LONRF1: variants seen among roughly 807,000 people sequenced by gnomAD.
LONRF1 encodes LON peptidase N-terminal domain and RING finger protein 1.
Under a neutral mutation model 85.8 loss-of-function variants are expected in LONRF1, and 37 were observed. The observed-to-expected ratio is 0.43, with a 90% CI of 0.33 to 0.57. The LOEUF is 0.57. Ranked by LOEUF, LONRF1 falls within the 20% of genes least tolerant of loss-of-function variation. The pLI is 0.04. For synonymous variants in LONRF1, 517 were observed against 390.1 expected (o/e 1.33, Z -3.83); for missense variants, 1,036 against 978.0 (o/e 1.06, Z -0.79).
chr8:12,723,088 A>G lies in LONRF1; in HGVS notation c.*8T>C. 2 of 1,604,886 alleles carry G rather than the reference A, an allele frequency of 1.2e-6. No homozygotes were observed. The highest frequency in any genetic ancestry group is 1.7e-6 in the Non-Finnish European group (2 of 1,175,298). ...AGGGTCACTTTAAAGGGAGATCCAA[A>G]GAGTTAGTTACTTAGATTGGTCTCT... On this transcript the variant is annotated 3_prime_UTR_variant, in exon 12 of 12. Transcript: ENST00000398246.
At chr8:12,744,551 ATTCAAAAATG>A (rs1274743299) in intron 1 of LONRF1, among the ~76,000 whole-genome samples, 10 of 152,190 alleles carry the variant, frequency 6.6e-5, no homozygotes, top group Admixed American at 2.0e-4. Context: ...CCCTGTAGGT[ATTCAAAAATG>A]TTTTACATTA....
At position 12,754,798 on chromosome 8, in the gene LONRF1, T is replaced by A; in HGVS notation, c.623A>T (p.Gln208Leu). The A allele has an allele frequency of 1.4e-6, 2 of 1,481,262 alleles. No homozygotes were observed. The highest frequency in any genetic ancestry group is 1.8e-6 in the Non-Finnish European group (2 of 1,121,934). 91.8% of individuals were successfully genotyped at this position (1,481,262 alleles called of 1,614,324 possible). The change falls in exon 1 of 12, where the codon CAG (glutamine) becomes CTG (leucine). Residue 208 changes from glutamine (Q) to leucine (L), a missense_variant. Physicochemically the swap from Gln to Leu is moderately radical, Grantham distance 113 (BLOSUM62 -2). Around this residue, in one of 3 missense-constraint regions of LONRF1, gnomAD observed 742 missense variants for 614.4 expected, o/e 1.21. Coordinates refer to ENST00000398246, the MANE Select transcript of LONRF1 (RefSeq NM_152271.5). ...NHLAEKWFPG[Q>L]RERARAAGRL... Reference sequence around the variant, plus strand: ...GCCGGCCGCCCGGGCCCGCTCGCGCTGGCCCGGAAACCACTTCTCGGCCAG... The same window carrying A: ...GCCGGCCGCCCGGGCCCGCTCGCGCAGGCCCGGAAACCACTTCTCGGCCAG...
At chr8:12,741,037 T>G in intron 2 of LONRF1, 41 bp from the exon 3 acceptor site, 1 of 1,598,810 alleles carries the variant, frequency 6.3e-7, no homozygotes, top group Non-Finnish European at 8.5e-7. Context: ...GTGTTAAGAA[T>G]TGCTTTTTAA....
Position 12,755,480 on chromosome 8 carries a change from C to T in LONRF1, c.-60G>A, listed in dbSNP as rs1799610650. 1 of 952,458 alleles carries T rather than the reference C, an allele frequency of 1.0e-6. No homozygotes were observed. Among genetic ancestry groups the T allele is most frequent in the Non-Finnish European group, 1.3e-6 (1 of 783,156 alleles). The allele number at this position is 952,458 out of a possible 1,614,324, so 59.0% of individuals were successfully genotyped here. A position where few individuals can be genotyped will look rare whatever the true frequency, so the allele number is the denominator to read the frequency against. On this transcript the variant is annotated 5_prime_UTR_variant, in exon 1 of 12. Coordinates refer to ENST00000398246, the MANE Select transcript of LONRF1 (RefSeq NM_152271.5). ...CCACGGTCCCGGAGCCTCCCGGGCGCGCGGCTCCGCACGCGGCCCGCGAGC... is the reference window on the plus strand; with the variant it reads ...CCACGGTCCCGGAGCCTCCCGGGCGTGCGGCTCCGCACGCGGCCCGCGAGC...
Position 12,736,994 on chromosome 8 carries a change from T to G in LONRF1, c.1260A>C (p.Gln420His). 1 of 1,613,678 alleles carries G rather than the reference T, an allele frequency of 6.2e-7. No homozygotes were observed. Among genetic ancestry groups the G allele is most frequent in the Non-Finnish European group, 8.5e-7 (1 of 1,179,734 alleles). The change falls in exon 5 of 12, where the codon CAA becomes CAC. Residue 420 changes from glutamine (Q) to histidine (H), a missense_variant. Transcript: ENST00000398246. ...TTCTTTTCAGCAGAACACCTTTTTC[T>G]TGAACTGACAGAACAGGTTCTGAGG... ...RVSSEPVLSV[Q>H]EKGVLLKRKL... is the part of the protein sequence containing the mutation.
Position 12,755,392 on chromosome 8 carries a change from G to T in LONRF1, c.29C>A (p.Ser10Tyr). The change falls in exon 1 of 12, where the codon TCC (serine) becomes TAC (tyrosine). Residue 10 changes from serine (S) to tyrosine (Y), a missense_variant. Around this residue, in one of 3 missense-constraint regions of LONRF1, gnomAD observed 742 missense variants for 614.4 expected, o/e 1.21. Coordinates refer to ENST00000398246, the MANE Select transcript of LONRF1 (RefSeq NM_152271.5). MSSPAVART[S>Y]PGGSREMAPA... The stretch of plus-strand genomic sequence containing the variant: ...GGCCATCTCCCGACTCCCTCCTGGG[G>T]AGGTCCTCGCCACCGCCGGAGAGGA... 8.5e-7 allele frequency: 1 copy of T among 1,176,904 alleles called. No homozygotes were observed. Among genetic ancestry groups the T allele is most frequent in the Non-Finnish European group, 1.0e-6 (1 of 952,662 alleles). 72.9% of individuals were successfully genotyped at this position (1,176,904 alleles called of 1,614,324 possible).
At chr8:12,747,507 T>C (rs1007230801) in intron 1 of LONRF1, among the ~76,000 whole-genome samples, 1 of 152,174 alleles carries the variant, frequency 6.6e-6, no homozygotes, top group African/African-American at 2.4e-5. Context: ...AAGAAAAAAT[T>C]AGCACAAATT....
intron 3 of LONRF1, 113 bp downstream of exon 3, chr8:12,740,761 A>G: frequency 3.8e-6 from 5 of 1,306,222 alleles, no homozygotes; most frequent in Non-Finnish European, 5.2e-6. Context: ...TTTGTTCCTA[A>G]GTTAGATTTA....
intron 1 of LONRF1, among the ~76,000 whole-genome samples, chr8:12,748,803 A>G (rs967274450): frequency 4.2e-5 from 3 of 71,402 alleles, no homozygotes; most frequent in Non-Finnish European, 5.7e-5. Context: ...TAACCAGAAT[A>G]TCAATTTTTT....
chr8:12,751,719 T>A (rs1799414321), intron 1 of LONRF1, among the ~76,000 whole-genome samples: 1 of 150,600 alleles, frequency 6.6e-6, no homozygotes, highest in African/African-American at 2.4e-5. Context: ...GTACAAACTG[T>A]AAATTATACT....
chr8:12,748,447 T>C (rs528006059), intron 1 of LONRF1, among the ~76,000 whole-genome samples: 12 of 152,312 alleles, frequency 7.9e-5, no homozygotes, highest in Admixed American at 2.6e-4. Context: ...TCCTCCCTCC[T>C]TGGCCTCCCA....
chr8:12,740,926 T>A lies in LONRF1; in HGVS notation c.911A>T (p.Gln304Leu). 1 of 1,613,638 alleles carries A rather than the reference T, an allele frequency of 6.2e-7. No homozygotes were observed. The highest frequency in any genetic ancestry group is 8.5e-7 in the Non-Finnish European group (1 of 1,179,652). Residue 304 changes from glutamine (Q) to leucine (L), a missense_variant, in exon 3 of 12, where the codon CAG becomes CTG. By Grantham distance (113) the Gln-to-Leu change is moderately radical. This residue lies in a region of LONRF1 where 742 missense variants were observed against 614.4 expected (regional missense o/e 1.21). Transcript: ENST00000398246. ...FLGDALQLFL[Q>L]CLALDEDFAP... Reference sequence around the variant, plus strand: ...AAAATCTTCATCAAGGGCTAAGCACTGAAGAAAGAGTTGTAAGGCATCACC... The same window carrying A: ...AAAATCTTCATCAAGGGCTAAGCACAGAAGAAAGAGTTGTAAGGCATCACC...
intron 9 of LONRF1, 23 bp downstream of exon 9, chr8:12,729,151 A>G: frequency 6.2e-7 from 1 of 1,613,538 alleles, no homozygotes; most frequent in South Asian, 1.1e-5. Flanking sequence ...AAATACAAAT[A>G]TTTAGGTTCA....
At chr8:12,743,018 A>T (rs1057038931) in intron 2 of LONRF1, 146 bp downstream of exon 2, 2 of 633,534 alleles carry the variant, frequency 3.2e-6, no homozygotes, top group Admixed American at 5.9e-5. Context: ...GAGCCATTGC[A>T]CCTAGGTGAA....
At chr8:12,741,112 A>C (rs1429809054) in intron 2 of LONRF1, 116 bp from the exon 3 acceptor site, 3 of 1,090,704 alleles carry the variant, frequency 2.8e-6, no homozygotes, top group South Asian at 1.4e-5. Context: ...GGCCGGGTGC[A>C]GTAGCTCACG....
At chr8:12,751,312 T>TTTTTTTTTTTC (rs1799392189) in intron 1 of LONRF1, among the ~76,000 whole-genome samples, 1 of 137,992 alleles carries the variant, frequency 7.2e-6, no homozygotes, top group South Asian at 2.4e-4. Context: ...TTTTTTTTTT[T>TTTTTTTTTTTC]TTTTTTTTGA....
rs777487443 is a variant in LONRF1 at position 12,755,100 on chromosome 8, C to T, written c.321G>A (p.Ala107=). ...CGCCGTCAGCGCCTGCAACCGGGGC[C>T]GCGCTCCAGCCCAGCCCGTGGCGGA... ...YRLRHGLGWS[A]APVAGADGGA... The change falls in exon 1 of 12, where the codon GCG becomes GCA. Residue 107 remains alanine (A), a synonymous_variant. Coordinates refer to ENST00000398246, the MANE Select transcript of LONRF1 (RefSeq NM_152271.5). 1.7e-4 allele frequency: 247 copies of T among 1,470,406 alleles called. No individual in the cohort carries two copies. Among genetic ancestry groups the T allele is most frequent in the Admixed American group, 8.8e-4 (38 of 42,938 alleles). The allele number at this position is 1,470,406 out of a possible 1,614,324, so 91.1% of individuals were successfully genotyped here.
At chr8:12,725,094 G>T (rs988121224) in intron 11 of LONRF1, among the ~76,000 whole-genome samples, 1 of 152,210 alleles carries the variant, frequency 6.6e-6, no homozygotes, top group East Asian at 1.9e-4. Flanking sequence ...AGATTTTCCA[G>T]GAGCCAGACC....
chr8:12,749,314 G>T (rs192211052), intron 1 of LONRF1, among the ~76,000 whole-genome samples: 39 of 152,122 alleles, frequency 2.6e-4, no homozygotes, highest in African/African-American at 9.2e-4. Context: ...CAGCACAAAG[G>T]TGGGTCAAGG....
Sources: gnomAD v4.1 joint callset for allele counts (sites outside exome capture counted in the v4.1 genomes callset) on GRCh38, gnomAD v4.1.1 for gene constraint, gnomAD v4.1.1 regional missense constraint, MANE v1.5 for transcripts, NCBI Gene and HGNC (gene_info 2026-07-23, HGNC 2026-07-21) for gene names.